Variants in EXOC2 observed in about 807,000 individuals in gnomAD.
EXOC2 encodes the protein SEC5-like 1.
In EXOC2, 70 loss-of-function variants were observed where a neutral mutation model predicts 131.8. The observed-to-expected ratio is 0.53, with a 90% CI of 0.44 to 0.65. The LOEUF is 0.65. EXOC2 is among the 30% of genes least tolerant of loss of function. The pLI is 0.00. For synonymous variants in EXOC2, 411 were observed against 398.4 expected (o/e 1.03, Z -0.38); for missense variants, 923 against 1,108.6 (o/e 0.83, Z 2.38).
At chr6:586,832 C>T (rs1443257057) in intron 11 of EXOC2, among the ~76,000 whole-genome samples, 3 of 152,220 alleles carry the variant, frequency 2.0e-5, no homozygotes, top group Admixed American at 6.5e-5. Flanking sequence ...TGTCTGGACA[C>T]CCACTAGTCC....
At chr6:486,969 A>ATGTT (rs374830677) in intron 27 of EXOC2, among the ~76,000 whole-genome samples, 2 of 152,366 alleles carry the variant, frequency 1.3e-5, no homozygotes, top group African/African-American at 4.8e-5. Context: ...TAACGTATTT[A>ATGTT]TGTTTGTACA....
At chr6:582,104 T>TA (rs1281140950) in intron 11 of EXOC2, among the ~76,000 whole-genome samples, 2 of 152,146 alleles carry the variant, frequency 1.3e-5, no homozygotes, top group Non-Finnish European at 2.9e-5. Context: ...TAAAAGAAAG[T>TA]AAACAATCTT....
intron 1 of EXOC2, among the ~76,000 whole-genome samples, chr6:670,920 G>GT (rs1561996504): frequency 6.6e-6 from 1 of 151,988 alleles, no homozygotes; most frequent in Non-Finnish European, 1.5e-5. Flanking sequence ...GGTCAAGAAA[G>GT]TAAGTCTTTT....
At chr6:549,040 G>C in intron 22 of EXOC2, 135 bp downstream of exon 22, 1 of 712,558 alleles carries the variant, frequency 1.4e-6, no homozygotes, top group Non-Finnish European at 2.5e-6. Flanking sequence ...GCAGGGTGAA[G>C]GCGGGGAAGC....
intron 10 of EXOC2, among the ~76,000 whole-genome samples, chr6:597,620 A>C (rs1759891413): frequency 6.6e-6 from 1 of 152,250 alleles, no homozygotes; most frequent in Admixed American, 6.5e-5. Flanking sequence ...GCAGCAGCAC[A>C]TTCTTGTGGC....
At chr6:520,987 C>T (rs1418366230) in intron 23 of EXOC2, among the ~76,000 whole-genome samples, 2 of 151,182 alleles carry the variant, frequency 1.3e-5, no homozygotes, top group Non-Finnish European at 2.9e-5. Context: ...CACCGAGCCC[C>T]GATACTCACC....
At chr6:529,415 C>T (rs1457666984) in intron 23 of EXOC2, among the ~76,000 whole-genome samples, 3 of 150,184 alleles carry the variant, frequency 2.0e-5, no homozygotes, top group Admixed American at 6.7e-5. Flanking sequence ...AAAGAAAAGT[C>T]TTCTTCTGCA....
chr6:564,027 A>C lies in EXOC2; in HGVS notation c.1789+6T>G, dbSNP rs1481007745. ...CAGTGAACGTCACCGATTTATCAAAACACACCTTCCGCCGTGTGCTGCAAC... is the reference window on the plus strand; with the variant it reads ...CAGTGAACGTCACCGATTTATCAAACCACACCTTCCGCCGTGTGCTGCAAC... On this transcript the variant is annotated splice_donor_region_variant and intron_variant, in intron 16 of 27. Coordinates refer to ENST00000230449, the MANE Select transcript of EXOC2 (RefSeq NM_018303.6). The C allele has an allele frequency of 6.2e-7, 1 of 1,613,300 alleles. No homozygotes were observed. Among genetic ancestry groups the C allele is most frequent in the Non-Finnish European group, 8.5e-7 (1 of 1,179,684 alleles).
At chr6:556,704 C>T (rs897276168) in intron 17 of EXOC2, 140 bp from the exon 18 acceptor site, 2 of 849,986 alleles carry the variant, frequency 2.4e-6, no homozygotes, top group Non-Finnish European at 3.7e-6. Context: ...GAAAAGTCAT[C>T]TCCTAGTCAT....
chr6:517,717 G>A (rs1474407172), intron 23 of EXOC2, among the ~76,000 whole-genome samples: 1 of 152,194 alleles, frequency 6.6e-6, no homozygotes, highest in Non-Finnish European at 1.5e-5. Context: ...ATCATCAAAA[G>A]CAGAGACAAC....
At chr6:630,024 G>C in intron 3 of EXOC2, 63 bp from the exon 4 acceptor site, 1 of 1,574,784 alleles carries the variant, frequency 6.4e-7, no homozygotes, top group Non-Finnish European at 8.6e-7. Context: ...TTCTACGTCT[G>C]GCCTATTGTC....
chr6:557,488 C>T (rs564613456), intron 17 of EXOC2, among the ~76,000 whole-genome samples: 2 of 151,496 alleles, frequency 1.3e-5, no homozygotes, highest in Non-Finnish European at 2.9e-5. Context: ...CGTGGTGGCA[C>T]GCGCCTGTAG....
chr6:535,298 G>A (rs901708939), intron 22 of EXOC2, among the ~76,000 whole-genome samples: 1 of 152,086 alleles, frequency 6.6e-6, no homozygotes, highest in Admixed American at 6.5e-5. Context: ...CCAGGAGATC[G>A]AGGCTGCAGC....
Position 506,662 on chromosome 6 carries a change from A to T in EXOC2, c.2381-6962T>A, listed in dbSNP as rs140121741. On this transcript the variant is annotated intron_variant, in intron 23 of 27. Coordinates refer to ENST00000230449, the MANE Select transcript of EXOC2 (RefSeq NM_018303.6). This position sits in a 1 kb window ranked among gnomAD's most constrained non-coding sequence, Gnocchi z 4.4. ...CAAAAAGTGTCCCCACCCACACAGT[A>T]TCAACCTAGACTACTACCACTTAGC... 6.6e-6 allele frequency among the ~76,000 whole-genome samples: 1 copy of T among 152,022 alleles called. No individual in the cohort carries two copies. Among genetic ancestry groups the T allele is most frequent in the African/African-American group, 2.4e-5 (1 of 41,466 alleles).
Position 486,570 on chromosome 6 carries a change from G to T in EXOC2, c.*101C>A. On this transcript the variant is annotated 3_prime_UTR_variant, in exon 28 of 28. Coordinates refer to ENST00000230449, the MANE Select transcript of EXOC2 (RefSeq NM_018303.6). ...CAGAGGAAGAAAAAAGAGAAAAATG[G>T]CAAACCCAATGTTTAATACACCAAA... 3 of 1,066,564 alleles carry T rather than the reference G, an allele frequency of 2.8e-6. No individual in the cohort carries two copies. Among genetic ancestry groups the T allele is most frequent in the Non-Finnish European group, 2.7e-6 (2 of 729,636 alleles). The allele number at this position is 1,066,564 out of a possible 1,614,324, so 66.1% of individuals were successfully genotyped here. A position where few individuals can be genotyped will look rare whatever the true frequency, so the allele number is the denominator to read the frequency against.
intron 7 of EXOC2, among the ~76,000 whole-genome samples, chr6:609,559 C>A (rs1209581680): frequency 6.6e-6 from 1 of 152,210 alleles, no homozygotes; most frequent in Non-Finnish European, 1.5e-5. Flanking sequence ...CAAAACTTTG[C>A]ACATAGCCAT....
At chr6:523,887 C>T (rs923587060) in intron 23 of EXOC2, among the ~76,000 whole-genome samples, 2 of 152,098 alleles carry the variant, frequency 1.3e-5, no homozygotes, top group South Asian at 2.1e-4. Context: ...CTCTATTTTC[C>T]GCTGAATTGA....
At chr6:535,512 A>C (rs1410132233) in intron 22 of EXOC2, among the ~76,000 whole-genome samples, 1 of 152,246 alleles carries the variant, frequency 6.6e-6, no homozygotes, top group East Asian at 1.9e-4. Context: ...TAGATCCTGA[A>C]GACATTAAAA....
At chr6:593,596 A>G (rs1278039301) in intron 10 of EXOC2, among the ~76,000 whole-genome samples, 1 of 152,258 alleles carries the variant, frequency 6.6e-6, no homozygotes, top group Non-Finnish European at 1.5e-5. Context: ...TTTGGCCCTC[A>G]GCCCTCACAA....
Sources: gnomAD v4.1 joint callset for allele counts (sites outside exome capture counted in the v4.1 genomes callset) on GRCh38, gnomAD v4.1.1 for gene constraint, Gnocchi (gnomAD v3.1) non-coding constraint, MANE v1.5 for transcripts, NCBI Gene and HGNC (gene_info 2026-07-23, HGNC 2026-07-21) for gene names.